Variants in SORCS1 observed in about 807,000 individuals in gnomAD.
SORCS1 encodes the protein VPS10 domain-containing receptor SorCS1.
In SORCS1, 60 loss-of-function variants were observed where a neutral mutation model predicts 146.1. The ratio of observed to expected loss-of-function variants is 0.41; its 90% CI spans 0.33 to 0.51. SORCS1 has a LOEUF of 0.51. SORCS1 is among the 20% of genes least tolerant of loss of function. The pLI, the probability that SORCS1 is intolerant of heterozygous loss-of-function variation, is 0.21. For synonymous variants in SORCS1, 637 were observed against 584.0 expected (o/e 1.09, Z -1.31); for missense variants, 1,352 against 1,487.6 (o/e 0.91, Z 1.50).
At chr10:106,824,711 T>A (rs1948212630) in intron 3 of SORCS1, among the ~76,000 whole-genome samples, 2 of 152,014 alleles carry the variant, frequency 1.3e-5, no homozygotes, top group South Asian at 4.1e-4. Context: ...ATTTAGAAAG[T>A]GCCACATATA....
chr10:106,827,206 CTTT>C lies in SORCS1; in HGVS notation c.726+2365_726+2367del, dbSNP rs71025560. 2.2e-5 allele frequency among the ~76,000 whole-genome samples: 3 copies of C among 135,908 alleles called. No homozygotes were observed. The East Asian group carries it at 6.4e-4, about 29-fold the overall frequency. 89.2% of individuals were successfully genotyped at this position (135,908 alleles called of 152,430 possible). ...TATAGTCAGATTTGATATTTGGCAT[CTTT>C]TTTTTTTTTTTTTTCATGTTTCTCT... On this transcript the variant is annotated intron_variant, in intron 3 of 25. Transcript: ENST00000263054.
intron 4 of SORCS1, among the ~76,000 whole-genome samples, chr10:106,770,346 G>A (rs74152242): frequency 0.03 from 4,642 of 152,202 alleles, 218 homozygotes; most frequent in African/African-American, 0.1. Flanking sequence ...TCCAAAATAA[G>A]CGAGTCAATA....
At chr10:106,603,759 T>C (rs1462456716) in intron 23 of SORCS1, among the ~76,000 whole-genome samples, 2 of 152,202 alleles carry the variant, frequency 1.3e-5, no homozygotes, top group East Asian at 1.9e-4. Context: ...TGCTTTGCAT[T>C]TGTCTTAAAT....
chr10:107,064,985 C>T (rs946948862), intron 1 of SORCS1, among the ~76,000 whole-genome samples: 3 of 152,116 alleles, frequency 2.0e-5, no homozygotes, highest in African/African-American at 7.2e-5. Flanking sequence ...ACTCCGGCCC[C>T]CAAGCACTGT....
intron 1 of SORCS1, among the ~76,000 whole-genome samples, chr10:106,972,436 G>A (rs116062850): frequency 0.011 from 1,618 of 149,452 alleles, 25 homozygotes; most frequent in African/African-American, 0.038. Context: ...ATCACTAATT[G>A]ACTTTATTTT....
intron 1 of SORCS1, among the ~76,000 whole-genome samples, chr10:107,006,727 G>C (rs1436316500): frequency 6.6e-6 from 1 of 152,332 alleles, no homozygotes; most frequent in Middle Eastern, 3.4e-3. Flanking sequence ...TGAGGCAGGA[G>C]AACGGCGTGA....
intron 1 of SORCS1, among the ~76,000 whole-genome samples, chr10:107,076,956 A>G (rs1962938040): frequency 6.6e-6 from 1 of 152,198 alleles, no homozygotes; most frequent in South Asian, 2.1e-4. Flanking sequence ...TGCAGTGCTC[A>G]CATCTGATAT....
At chr10:106,867,542 C>T (rs1950266311) in intron 2 of SORCS1, among the ~76,000 whole-genome samples, 1 of 152,126 alleles carries the variant, frequency 6.6e-6, no homozygotes, top group Non-Finnish European at 1.5e-5. Flanking sequence ...CTTGGCCTCC[C>T]AAAGTGCTGG....
chr10:107,001,348 T>C (rs1379294603), intron 1 of SORCS1, among the ~76,000 whole-genome samples: 1 of 152,082 alleles, frequency 6.6e-6, no homozygotes, highest in Non-Finnish European at 1.5e-5. Flanking sequence ...AAATGTAGGA[T>C]GAGGCACGTT....
intron 2 of SORCS1, among the ~76,000 whole-genome samples, chr10:106,875,969 T>A (rs2137638152): frequency 6.6e-6 from 1 of 152,260 alleles, no homozygotes; most frequent in East Asian, 1.9e-4. Flanking sequence ...GTATAGGCTA[T>A]GATCAGTTAT....
intron 1 of SORCS1, among the ~76,000 whole-genome samples, chr10:107,076,134 T>C (rs1448210478): frequency 1.3e-5 from 2 of 152,156 alleles, no homozygotes; most frequent in Non-Finnish European, 2.9e-5. Flanking sequence ...GCCCACAGGT[T>C]AGTGATACTG....
chr10:106,720,815 C>G (rs1265053393), intron 6 of SORCS1, among the ~76,000 whole-genome samples: 1 of 151,942 alleles, frequency 6.6e-6, no homozygotes, highest in Non-Finnish European at 1.5e-5. Context: ...GGGTGGGCAC[C>G]TGGGAAGCAG....
intron 1 of SORCS1, among the ~76,000 whole-genome samples, chr10:107,039,081 G>C (rs11193182): frequency 6.6e-6 from 1 of 152,122 alleles, no homozygotes; most frequent in Non-Finnish European, 1.5e-5. Context: ...TGTAATCCCA[G>C]CACTTTGGGA....
intron 1 of SORCS1, among the ~76,000 whole-genome samples, chr10:107,077,183 G>A (rs760682427): frequency 2.6e-5 from 4 of 151,184 alleles, no homozygotes; most frequent in Non-Finnish European, 5.9e-5. Flanking sequence ...TTTCTCCTGT[G>A]GTGTCTCTGA....
intron 2 of SORCS1, among the ~76,000 whole-genome samples, chr10:106,946,153 A>G (rs1281711647): frequency 6.6e-6 from 1 of 152,202 alleles, no homozygotes; most frequent in Non-Finnish European, 1.5e-5. Flanking sequence ...TAGGATAGAA[A>G]CAAGTGTATG....
intron 12 of SORCS1, among the ~76,000 whole-genome samples, chr10:106,678,853 C>T (rs1398070937): frequency 1.3e-5 from 2 of 152,138 alleles, no homozygotes; most frequent in Non-Finnish European, 2.9e-5. Context: ...CCTTCCTATT[C>T]TGACTTCAAG....
intron 18 of SORCS1, among the ~76,000 whole-genome samples, chr10:106,650,924 T>C (rs1050157122): frequency 5.9e-5 from 9 of 152,086 alleles, no homozygotes; most frequent in Non-Finnish European, 1.5e-5. Flanking sequence ...TATATACGCA[T>C]ATATTTGGTT....
At chr10:106,957,534 T>C (rs1230897130) in intron 1 of SORCS1, among the ~76,000 whole-genome samples, 1 of 152,128 alleles carries the variant, frequency 6.6e-6, no homozygotes, top group Admixed American at 6.6e-5. Flanking sequence ...GTTTTAACTT[T>C]CTTCTGACTT....
intron 1 of SORCS1, among the ~76,000 whole-genome samples, chr10:107,083,036 G>A (rs937710045): frequency 4.7e-5 from 7 of 150,312 alleles, no homozygotes; most frequent in Non-Finnish European, 1.0e-4. Flanking sequence ...GTGAACCTGG[G>A]AGGCAGAGCT....
Sources: gnomAD v4.1 joint callset for allele counts (sites outside exome capture counted in the v4.1 genomes callset) on GRCh38, gnomAD v4.1.1 for gene constraint, MANE v1.5 for transcripts, NCBI Gene and HGNC (gene_info 2026-07-23, HGNC 2026-07-21) for gene names.